The following SNCAIP variants were observed in gnomAD, a reference collection of about 807,000 sequenced individuals.
SNCAIP encodes the protein synphilin-1.
A neutral mutation model predicts 86.7 loss-of-function variants in SNCAIP; 43 were observed. That is an observed-to-expected ratio of 0.50 (90% CI 0.39 to 0.64). The LOEUF is 0.64. Among genes scored for constraint, SNCAIP ranks in the 30% least tolerant of loss-of-function variants. SNCAIP has a pLI of 0.00. For missense variants in SNCAIP, 981 were observed against 1,103.1 expected (o/e 0.89, Z 1.57); for synonymous variants, 417 against 427.2 (o/e 0.98, Z 0.29).
At chr5:122,318,075 T>C (rs1263228156) in intron 1 of SNCAIP, among the ~76,000 whole-genome samples, 2 of 152,100 alleles carry the variant, frequency 1.3e-5, no homozygotes, top group African/African-American at 4.8e-5. Flanking sequence ...TACAGGCTCC[T>C]ACCATGAATT....
At chr5:122,420,460 T>G (rs1776152914) in intron 3 of SNCAIP, among the ~76,000 whole-genome samples, 1 of 152,126 alleles carries the variant, frequency 6.6e-6, no homozygotes, top group Non-Finnish European at 1.5e-5. Flanking sequence ...GCTTTAAAAT[T>G]TTTTATTACA....
intron 1 of SNCAIP, among the ~76,000 whole-genome samples, chr5:122,382,046 CT>C (rs1766950841): frequency 6.6e-6 from 1 of 152,032 alleles, no homozygotes; most frequent in Non-Finnish European, 1.5e-5. Context: ...CGAGGATTAT[CT>C]TTGTGGTTTT....
chr5:122,400,513 A>G (rs1301337942), intron 2 of SNCAIP, among the ~76,000 whole-genome samples: 1 of 152,224 alleles, frequency 6.6e-6, no homozygotes, highest in Non-Finnish European at 1.5e-5. Context: ...CTTTCCCTCA[A>G]GTGCTTATGG....
intron 1 of SNCAIP, among the ~76,000 whole-genome samples, chr5:122,350,643 C>T (rs796548219): frequency 6.6e-6 from 1 of 152,002 alleles, no homozygotes; most frequent in Non-Finnish European, 1.5e-5. Flanking sequence ...TTTGATGCAA[C>T]AATCATCTTA....
At chr5:122,437,640 GTTCT>G (rs1242713656) in intron 6 of SNCAIP, among the ~76,000 whole-genome samples, 32 of 152,274 alleles carry the variant, frequency 2.1e-4, no homozygotes, top group African/African-American at 7.5e-4. Flanking sequence ...TCAAATAATG[GTTCT>G]TTCTTTATGT....
chr5:122,381,004 A>G (rs1261555445), intron 1 of SNCAIP, among the ~76,000 whole-genome samples: 12 of 144,220 alleles, frequency 8.3e-5, no homozygotes, highest in African/African-American at 3.3e-4. Flanking sequence ...GTGCTGAAAA[A>G]AATGTATATT....
At chr5:122,377,447 A>C (rs1191861528) in intron 1 of SNCAIP, among the ~76,000 whole-genome samples, 1 of 152,022 alleles carries the variant, frequency 6.6e-6, no homozygotes, top group Non-Finnish European at 1.5e-5. Flanking sequence ...TAAATGTTCA[A>C]CTCATTTTAA....
At chr5:122,437,695 G>A (rs1312824788) in intron 6 of SNCAIP, among the ~76,000 whole-genome samples, 2 of 152,162 alleles carry the variant, frequency 1.3e-5, no homozygotes, top group Non-Finnish European at 2.9e-5. Context: ...TTCATTGTAA[G>A]GAAGAAGAGT....
rs114540734 is a variant in SNCAIP at position 122,329,160 on chromosome 5, A to T, written c.-47+16876A>T. Among the ~76,000 whole-genome samples the T allele has an allele frequency of 6.5e-3, 990 of 152,226 alleles. 8 individuals carry two copies. The highest frequency in any genetic ancestry group is 0.01 in the Non-Finnish European group (712 of 68,014). ...AATTATAGCAAAAATAATAGTGTTT[A>T]CTGAGCACTTATTGTATACCAGACA... On this transcript the variant is annotated intron_variant, in intron 1 of 10. Transcript: ENST00000261368.
At chr5:122,429,673 T>A (rs997679704) in intron 5 of SNCAIP, among the ~76,000 whole-genome samples, 4 of 152,170 alleles carry the variant, frequency 2.6e-5, no homozygotes, top group African/African-American at 9.7e-5. Flanking sequence ...AGGAAACATT[T>A]GGCATGCTCC....
intron 2 of SNCAIP, among the ~76,000 whole-genome samples, chr5:122,392,018 C>T (rs1459932769): frequency 1.3e-5 from 2 of 152,204 alleles, no homozygotes; most frequent in Non-Finnish European, 2.9e-5. Context: ...TTCACAACTT[C>T]TAACCTTATC....
At chr5:122,364,039 C>T (rs1272421953) in intron 1 of SNCAIP, among the ~76,000 whole-genome samples, 5 of 152,004 alleles carry the variant, frequency 3.3e-5, no homozygotes, top group Non-Finnish European at 7.4e-5. Flanking sequence ...CTATGTTTCC[C>T]AGACTGTCCA....
intron 1 of SNCAIP, among the ~76,000 whole-genome samples, chr5:122,353,911 TAACCAAATCACCAC>T (rs1760453098): frequency 6.6e-6 from 1 of 152,144 alleles, no homozygotes; most frequent in Non-Finnish European, 1.5e-5. Context: ...ACCACAGGTT[TAACCAAATCACCAC>T]GTTAGGGCTG....
At chr5:122,371,583 A>C (rs1038015920) in intron 1 of SNCAIP, 1 of 152,194 alleles carries the variant, frequency 6.6e-6, no homozygotes, top group Non-Finnish European at 1.5e-5. Flanking sequence ...TCAGTGTGTT[A>C]TATGTTGGGT....
chr5:122,316,187 A>G lies in SNCAIP; in HGVS notation c.-47+3903A>G, dbSNP rs1751682552. ...TATAGTTAAGTTTCTTTATGTGTAT[A>G]TCAACAGAAAACAAAATACAACCTC... On this transcript the variant is annotated intron_variant, in intron 1 of 10. Transcript: ENST00000261368. 2.0e-5 allele frequency among the ~76,000 whole-genome samples: 3 copies of G among 152,252 alleles called. No individual in the cohort carries two copies. In the South Asian group the frequency reaches 6.2e-4, roughly 32 times the overall value.
At chr5:122,449,981 A>C in intron 9 of SNCAIP, 44 bp downstream of exon 9, 1 of 1,307,572 alleles carries the variant, frequency 7.6e-7, no homozygotes. Flanking sequence ...AGTATCCTAA[A>C]TTGTTAAGCC....
At chr5:122,361,509 T>C (rs889432530) in intron 1 of SNCAIP, among the ~76,000 whole-genome samples, 1 of 152,182 alleles carries the variant, frequency 6.6e-6, no homozygotes, top group African/African-American at 2.4e-5. Flanking sequence ...ATTTAATGAA[T>C]ACAAAGAGAT....
intron 1 of SNCAIP, among the ~76,000 whole-genome samples, chr5:122,347,396 C>CTT (rs72100282): frequency 5.0e-5 from 7 of 139,584 alleles, no homozygotes; most frequent in Non-Finnish European, 6.3e-5. Context: ...GATTTCTTTC[C>CTT]TTTTTTTTTT....
chr5:122,385,696 TGTGTGTGTGTG>T (rs1767990716), intron 1 of SNCAIP, among the ~76,000 whole-genome samples: 1 of 151,994 alleles, frequency 6.6e-6, no homozygotes, highest in Non-Finnish European at 1.5e-5. Flanking sequence ...TGTGTGTGTG[TGTGTGTGTGTG>T]TGTGTAGGGG....
Sources: allele counts gnomAD v4.1 joint callset (sites outside exome capture counted in the v4.1 genomes callset), GRCh38; gene constraint gnomAD v4.1.1; transcripts MANE v1.5; gene names NCBI Gene and HGNC (gene_info 2026-07-23, HGNC 2026-07-21).